The following LMO7 variants were observed in gnomAD, a reference collection of about 807,000 sequenced individuals.
LMO7 encodes LIM domain only protein 7.
In LMO7, 120 loss-of-function variants were observed where a neutral mutation model predicts 206.5. The observed-to-expected ratio is 0.58, with a 90% confidence interval of 0.50 to 0.68. The LOEUF is 0.68. LMO7 is among the 30% of genes least tolerant of loss of function. The pLI is 0.00. For synonymous variants in LMO7, 706 were observed against 681.5 expected, an observed-to-expected ratio of 1.04 and a Z score of -0.56; for missense variants, 1,959 against 1,957.9, an observed-to-expected ratio of 1.00 and a Z score of -0.01.
intron 3 of LMO7, among the ~76,000 whole-genome samples, chr13:75,757,323 A>G (rs929542855): frequency 2.0e-5 from 3 of 152,240 alleles, no homozygotes; most frequent in Non-Finnish European, 4.4e-5. Context: ...CCAATTCAGA[A>G]CTATTCAGCT....
chr13:75,840,614 T>C, intron 22 of LMO7, 119 bp downstream of exon 22: 3 of 1,185,850 alleles, frequency 2.5e-6, no homozygotes, highest in South Asian at 3.0e-5. Flanking sequence ...CTAACAAATA[T>C]TTTTGCACAC....
chr13:75,626,920 AC>A (rs1251231826), intron 2 of LMO7: 1 of 151,952 alleles, frequency 6.6e-6, no homozygotes, highest in African/African-American at 2.4e-5. Flanking sequence ...ATTATTGTTG[AC>A]CATAGGTATT....
chr13:75,788,384 G>A (rs1271835727), intron 4 of LMO7, among the ~76,000 whole-genome samples: 1 of 150,532 alleles, frequency 6.6e-6, no homozygotes, highest in African/African-American at 2.4e-5. Flanking sequence ...AACCTGGGAG[G>A]TGGAGGTTGC....
chr13:75,819,719 T>A (rs1056954471), intron 13 of LMO7, among the ~76,000 whole-genome samples, 184 bp downstream of exon 13: 2 of 152,226 alleles, frequency 1.3e-5, no homozygotes, highest in African/African-American at 4.8e-5. Flanking sequence ...AAATAGTGAC[T>A]TAGAGTAATA....
intron 2 of LMO7, among the ~76,000 whole-genome samples, chr13:75,626,353 A>G (rs1422209459): frequency 2.6e-5 from 4 of 151,554 alleles, no homozygotes; most frequent in African/African-American, 9.7e-5. Flanking sequence ...GCAGCAAGAG[A>G]AAATGAGGAA....
intron 2 of LMO7, chr13:75,623,358 A>G (rs778024140): frequency 8.0e-6 from 9 of 1,120,942 alleles, no homozygotes; most frequent in Non-Finnish European, 1.1e-5. Context: ...AGAATCAGAA[A>G]GGCCAAAGCA....
chr13:75,709,250 A>G (rs1015573103), intron 1 of LMO7, among the ~76,000 whole-genome samples: 8 of 152,330 alleles, frequency 5.3e-5, no homozygotes, highest in Middle Eastern at 3.4e-3. Context: ...AAGTGCCGCA[A>G]TAAACATACG....
intron 3 of LMO7, among the ~76,000 whole-genome samples, chr13:75,744,599 A>G (rs553106446): frequency 1.3e-5 from 2 of 152,370 alleles, no homozygotes; most frequent in East Asian, 3.9e-4. Flanking sequence ...AGGGAAGAGC[A>G]AATGAAGTTG....
intron 1 of LMO7, among the ~76,000 whole-genome samples, chr13:75,642,829 A>G (rs1173174725): frequency 6.6e-6 from 1 of 152,186 alleles, no homozygotes; most frequent in Non-Finnish European, 1.5e-5. Context: ...CAGATGAAAG[A>G]CATGTTGTCC....
intron 1 of LMO7, among the ~76,000 whole-genome samples, chr13:75,659,045 C>CCGCT (rs2038324870): frequency 1.0e-5 from 1 of 100,362 alleles, no homozygotes; most frequent in South Asian, 3.3e-4. Context: ...CTCTTTCCTT[C>CCGCT]CACTCATTAT....
At chr13:75,743,531 G>A (rs2046591502) in intron 3 of LMO7, among the ~76,000 whole-genome samples, 1 of 152,184 alleles carries the variant, frequency 6.6e-6, no homozygotes, top group Non-Finnish European at 1.5e-5. Context: ...AAAAAAGAAA[G>A]AGATCATGTC....
intron 4 of LMO7, among the ~76,000 whole-genome samples, chr13:75,786,342 A>G (rs552182674): frequency 2.0e-5 from 3 of 149,932 alleles, no homozygotes; most frequent in Non-Finnish European, 3.0e-5. Context: ...TGAGGGTTCA[A>G]TCCCTGGACC....
In LMO7 at chr13:75,621,746, A is replaced by G. The variant is rs140162071; in HGVS notation, c.53A>G (p.Tyr18Cys). ...TTCACGTTTTACAGTTGGATGTCCT[A>G]TGATGTTCTCTTCCAGAGAACAGAG... The change falls in exon 1 of 30, where the codon TAT becomes TGT. Residue 18 changes from tyrosine to cysteine, a missense_variant. By Grantham distance (194) the Tyr-to-Cys change is radical (BLOSUM62 -2). Coordinates refer to the LMO7 transcript ENST00000341547. The G allele has an allele frequency of 1.2e-4, 187 of 1,612,434 alleles. No individual in the cohort carries two copies. The highest frequency in any genetic ancestry group is 9.1e-4 in the African/African-American group (68 of 74,956).
At chr13:75,813,443 A>T (rs1017982382) in intron 11 of LMO7, among the ~76,000 whole-genome samples, 1 of 152,086 alleles carries the variant, frequency 6.6e-6, no homozygotes, top group African/African-American at 2.4e-5. Flanking sequence ...AAGTGATCTG[A>T]TGTGTGTTAG....
chr13:75,810,973 C>A (rs1390455675), intron 11 of LMO7, among the ~76,000 whole-genome samples: 1 of 152,142 alleles, frequency 6.6e-6, no homozygotes, highest in African/African-American at 2.4e-5. Context: ...GGCTGTTGTG[C>A]ATGCAGTTCA....
At position 75,808,010 on chromosome 13, in the gene LMO7, T is replaced by C; in HGVS notation, c.1727T>C (p.Ile576Thr). Reference protein sequence around the residue: ...PSKEKSNSCRILVPSYRQKKD... With the variant: ...PSKEKSNSCRTLVPSYRQKKD... ...AAAGAAAAAAGTAATAGCTGTAGAA[T>C]ATTAGTTCCTTCATATCGGCAGAAG... is the stretch of plus-strand genomic sequence containing the variant. Residue 576 changes from isoleucine (I) to threonine (T), a missense_variant, in exon 10 of 31, where the codon ATA becomes ACA. Coordinates refer to ENST00000377534, the MANE Select transcript of LMO7 (RefSeq NM_001306080.2). 2.5e-6 allele frequency: 4 copies of C among 1,613,950 alleles called. No individual in the cohort carries two copies. The highest frequency in any genetic ancestry group is 1.3e-5 in the African/African-American group (1 of 75,030).
At position 75,840,509 on chromosome 13, in the gene LMO7, A is replaced by C. The variant is rs771091420; in HGVS notation, c.3582+14A>C. ...CGCCTACTGCAGGTAGCTCTGGCTC[A>C]CGTGGACGGGTAGAAACTAGGTTGG... On this transcript the variant is annotated intron_variant, in intron 22 of 30. Coordinates refer to ENST00000377534, the MANE Select transcript of LMO7 (RefSeq NM_001306080.2). The C allele has an allele frequency of 1.5e-5, 24 of 1,612,874 alleles. No homozygotes were observed. Among genetic ancestry groups the C allele is most frequent in the Non-Finnish European group, 1.8e-5 (21 of 1,179,448 alleles).
intron 2 of LMO7, among the ~76,000 whole-genome samples, chr13:75,629,376 A>T (rs2034622756): frequency 6.6e-6 from 1 of 152,134 alleles, no homozygotes; most frequent in African/African-American, 2.4e-5. Context: ...TTCAGTGAGG[A>T]AAAGAGGCAA....
chr13:75,818,717 C>T (rs2057298128), intron 12 of LMO7, among the ~76,000 whole-genome samples: 1 of 152,150 alleles, frequency 6.6e-6, no homozygotes, highest in African/African-American at 2.4e-5. Flanking sequence ...TCAAGTCTCA[C>T]CTTCCCAGTT....
Sources: allele counts gnomAD v4.1 joint callset (sites outside exome capture counted in the v4.1 genomes callset), GRCh38; gene constraint gnomAD v4.1.1; transcripts MANE v1.5; gene names NCBI Gene and HGNC (gene_info 2026-07-23, HGNC 2026-07-21).